The following UCK2 variants were observed in gnomAD, a reference collection of about 807,000 sequenced individuals.
UCK2 encodes uridine-cytidine kinase 2, also known as cytidine monophosphokinase 2.
A neutral mutation model predicts 30.8 loss-of-function variants in UCK2; 6 were observed. The ratio of observed to expected loss-of-function variants is 0.19; its 90% CI spans 0.11 to 0.38. UCK2 has a LOEUF of 0.38. UCK2 is among the 10% of genes least tolerant of loss of function. The pLI, the probability that UCK2 is intolerant of heterozygous loss-of-function variation, is 1.00. For missense variants in UCK2, 210 were observed against 339.8 expected (o/e 0.62, Z 3.00); for synonymous variants, 125 against 133.6 (o/e 0.94, Z 0.45).
chr1:165,839,606 G>T (rs971901080), intron 1 of UCK2, among the ~76,000 whole-genome samples: 1 of 152,248 alleles, frequency 6.6e-6, no homozygotes, highest in East Asian at 1.9e-4. Flanking sequence ...AGAATCCCTG[G>T]TTTGTTCAGA....
chr1:165,862,693 C>T (rs538388783), intron 1 of UCK2, among the ~76,000 whole-genome samples: 1 of 152,138 alleles, frequency 6.6e-6, no homozygotes, highest in Non-Finnish European at 1.5e-5. Flanking sequence ...CAAGTGAGTT[C>T]TAGTTTCAGC....
chr1:165,897,153 C>T (rs1343936730), intron 4 of UCK2, among the ~76,000 whole-genome samples: 6 of 151,358 alleles, frequency 4.0e-5, no homozygotes, highest in Admixed American at 1.3e-4. Context: ...GAGGGTTGTA[C>T]GAAGAGACAC....
intron 1 of UCK2, among the ~76,000 whole-genome samples, chr1:165,830,476 C>T (rs958246516): frequency 2.0e-5 from 3 of 151,838 alleles, no homozygotes; most frequent in Non-Finnish European, 4.4e-5. Context: ...AGGTGCCCGC[C>T]ACCACGCCTG....
intron 5 of UCK2, among the ~76,000 whole-genome samples, chr1:165,905,494 G>A (rs1012031220): frequency 6.6e-5 from 10 of 151,208 alleles, no homozygotes; most frequent in Non-Finnish European, 1.0e-4. Flanking sequence ...AAAAAAAAAA[G>A]AGAGAGTGAG....
At chr1:165,872,236 A>G (rs576243000) in intron 1 of UCK2, among the ~76,000 whole-genome samples, 2 of 152,180 alleles carry the variant, frequency 1.3e-5, no homozygotes, top group East Asian at 3.9e-4. Context: ...CACTATGCCC[A>G]GCTAATTTTT....
At chr1:165,841,105 G>T (rs1654318778) in intron 1 of UCK2, among the ~76,000 whole-genome samples, 1 of 26,170 alleles carries the variant, frequency 3.8e-5, no homozygotes, top group South Asian at 2.5e-3. Flanking sequence ...GTATGTGTGT[G>T]TGTGTGTATA....
intron 1 of UCK2, among the ~76,000 whole-genome samples, chr1:165,853,520 CT>C (rs769678523): frequency 1.3e-3 from 189 of 142,858 alleles, no homozygotes; most frequent in South Asian, 2.0e-3. Context: ...CAGAAAGGAT[CT>C]TTTTTTTTTT....
chr1:165,843,119 C>T (rs1654370974), intron 1 of UCK2, among the ~76,000 whole-genome samples: 1 of 152,184 alleles, frequency 6.6e-6, no homozygotes, highest in Non-Finnish European at 1.5e-5. Context: ...CCATACTGTT[C>T]TCTTCTCAGT....
intron 1 of UCK2, among the ~76,000 whole-genome samples, chr1:165,867,081 C>T (rs1031967853): frequency 6.6e-6 from 1 of 152,168 alleles, no homozygotes; most frequent in Non-Finnish European, 1.5e-5. Context: ...GTTATGTTTA[C>T]ACTATACTAT....
chr1:165,872,852 A>G (rs1048873020), intron 1 of UCK2, among the ~76,000 whole-genome samples: 1 of 152,210 alleles, frequency 6.6e-6, no homozygotes, highest in African/African-American at 2.4e-5. Flanking sequence ...GAAGGGATGT[A>G]CACGAAACTG....
intron 1 of UCK2, among the ~76,000 whole-genome samples, chr1:165,832,553 T>C (rs1654076221): frequency 6.6e-6 from 1 of 152,206 alleles, no homozygotes; most frequent in Non-Finnish European, 1.5e-5. Context: ...CAATGGAAGA[T>C]GAGGTTAGGG....
At chr1:165,845,196 A>G (rs913873925) in intron 1 of UCK2, among the ~76,000 whole-genome samples, 22 of 152,162 alleles carry the variant, frequency 1.4e-4, no homozygotes, top group African/African-American at 5.3e-4. Context: ...CAGGACATCC[A>G]GCTGGTGTCT....
chr1:165,906,008 T>A (rs1647645757), intron 6 of UCK2, 39 bp downstream of exon 6: 1 of 1,594,690 alleles, frequency 6.3e-7, no homozygotes, highest in African/African-American at 1.3e-5. Context: ...GTATAATGTC[T>A]GCCCTTTGTC....
chr1:165,868,455 T>G (rs1341867021), intron 1 of UCK2, among the ~76,000 whole-genome samples: 6 of 152,250 alleles, frequency 3.9e-5, no homozygotes, highest in Admixed American at 3.9e-4. Context: ...TGAAAAAATC[T>G]TTAGTGTAGC....
chr1:165,842,994 T>C (rs964775296), intron 1 of UCK2, among the ~76,000 whole-genome samples: 6 of 152,216 alleles, frequency 3.9e-5, no homozygotes, highest in African/African-American at 7.2e-5. Flanking sequence ...GTGGTCACTT[T>C]TACTCATCCT....
intron 1 of UCK2, among the ~76,000 whole-genome samples, chr1:165,871,474 C>T (rs1017203438): frequency 4.6e-5 from 7 of 152,254 alleles, no homozygotes; most frequent in East Asian, 1.9e-4. Context: ...TCTTTTGTAA[C>T]GCTCTGTATA....
chr1:165,846,123 CT>C (rs1654442439), intron 1 of UCK2, among the ~76,000 whole-genome samples: 1 of 152,076 alleles, frequency 6.6e-6, no homozygotes, highest in African/African-American at 2.4e-5. Flanking sequence ...GAGATCTTGT[CT>C]CTACAGAAAA....
chr1:165,849,161 A>T (rs1039659252), intron 1 of UCK2, among the ~76,000 whole-genome samples: 1 of 152,170 alleles, frequency 6.6e-6, no homozygotes, highest in Non-Finnish European at 1.5e-5. Flanking sequence ...TGATCTAATA[A>T]TTGGAATGTC....
chr1:165,902,619 T>TTTTTTTTTTTTTTTTTTTTG (rs1647518433), intron 4 of UCK2: 1 of 128,408 alleles, frequency 7.8e-6, no homozygotes, highest in Non-Finnish European at 1.7e-5. Flanking sequence ...TTTTTTTTTT[T>TTTTTTTTTTTTTTTTTTTTG]GGCAAACCTC....
Sources: allele counts gnomAD v4.1 joint callset (sites outside exome capture counted in the v4.1 genomes callset), GRCh38; gene constraint gnomAD v4.1.1; transcripts MANE v1.5; gene names NCBI Gene and HGNC (gene_info 2026-07-23, HGNC 2026-07-21).